NFIB: variants seen among roughly 807,000 people sequenced by gnomAD.
NFIB encodes the protein nuclear factor I B.
A neutral mutation model predicts 61.5 loss-of-function variants in NFIB; 11 were observed. The ratio of observed to expected loss-of-function variants is 0.18; its 90% CI spans 0.11 to 0.30. The LOEUF is 0.30. Ranked by LOEUF, NFIB falls within the 10% of genes least tolerant of loss-of-function variation. The pLI, the probability that NFIB is intolerant of heterozygous loss-of-function variation, is 1.00. For synonymous variants in NFIB, 260 were observed against 216.5 expected, an observed-to-expected ratio of 1.20 and a Z score of -1.76; for missense variants, 471 against 608.9, an observed-to-expected ratio of 0.77 and a Z score of 2.38.
intron 1 of NFIB, among the ~76,000 whole-genome samples, chr9:14,371,736 C>G (rs986217539): frequency 6.6e-6 from 1 of 152,144 alleles, no homozygotes; most frequent in East Asian, 1.9e-4. Flanking sequence ...TAGTAGCTAC[C>G]CCCTTTAACA....
At chr9:14,402,761 G>T (rs960644294), upstream of NFIB, among the ~76,000 whole-genome samples, 6 of 152,096 alleles carry the variant, frequency 3.9e-5, no homozygotes, top group Non-Finnish European at 8.8e-5. Flanking sequence ...ACCTAATAAA[G>T]ACACTGTCAC....
intron 2 of NFIB, among the ~76,000 whole-genome samples, chr9:14,285,079 C>A (rs2058623237): frequency 6.6e-6 from 1 of 152,190 alleles, no homozygotes; most frequent in Admixed American, 6.5e-5. Flanking sequence ...ATTAATAAAA[C>A]TGAAAGCAGT....
the NFIB span, among the ~76,000 whole-genome samples, chr9:14,478,733 A>G: frequency 6.6e-6 from 1 of 152,352 alleles, no homozygotes; most frequent in South Asian, 2.1e-4. Context: ...GTATATATTT[A>G]GCATTTCTCT....
At chr9:14,290,247 T>C (rs541337305) in intron 2 of NFIB, among the ~76,000 whole-genome samples, 3 of 152,114 alleles carry the variant, frequency 2.0e-5, no homozygotes, top group African/African-American at 7.2e-5. Context: ...ACATAGCAAT[T>C]ACAGTATTTA....
chr9:14,441,591 T>C, the NFIB span, among the ~76,000 whole-genome samples: 1 of 105,982 alleles, frequency 9.4e-6, no homozygotes, highest in African/African-American at 3.5e-5. Context: ...CTTTTTCTTC[T>C]TCCTCTTTTT....
At chr9:14,517,534 CTA>C in the NFIB span, among the ~76,000 whole-genome samples, 1 of 152,150 alleles carries the variant, frequency 6.6e-6, no homozygotes, top group East Asian at 1.9e-4. Context: ...GACCCTTGTC[CTA>C]TGTTACTTGA....
At chr9:14,379,454 T>C (rs1277257774) in intron 1 of NFIB, among the ~76,000 whole-genome samples, 1 of 152,214 alleles carries the variant, frequency 6.6e-6, no homozygotes, top group Non-Finnish European at 1.5e-5. Context: ...TGTGGTGTGC[T>C]GTAAGATCCG....
the NFIB span, among the ~76,000 whole-genome samples, chr9:14,525,963 G>A: frequency 6.6e-6 from 1 of 152,110 alleles, no homozygotes; most frequent in South Asian, 2.1e-4. Flanking sequence ...TATTTACAAA[G>A]CATTCACCAG....
At chr9:14,268,878 A>G (rs2057405458) in intron 2 of NFIB, among the ~76,000 whole-genome samples, 1 of 152,212 alleles carries the variant, frequency 6.6e-6, no homozygotes, top group African/African-American at 2.4e-5. Flanking sequence ...GAAGTACTAA[A>G]GAGATATTGA....
At chr9:14,414,242 A>T in the NFIB span, among the ~76,000 whole-genome samples, 1 of 151,920 alleles carries the variant, frequency 6.6e-6, no homozygotes, top group East Asian at 1.9e-4. Flanking sequence ...TTGAGACCCC[A>T]TGGCCAATAT....
At chr9:14,189,599 TAA>T (rs34433215) in intron 2 of NFIB, among the ~76,000 whole-genome samples, 149 of 144,270 alleles carry the variant, frequency 1.0e-3, no homozygotes, top group Non-Finnish European at 1.1e-3. Flanking sequence ...CTCCCCCTCC[TAA>T]AAAAAAAAAA....
chr9:14,314,123 G>T lies in NFIB; in HGVS notation c.-612C>A. On this transcript the variant is annotated 5_prime_UTR_variant, in exon 1 of 11. Transcript: ENST00000380953. ...CGAGCCGACCATGTGTGTGCGCGAG[G>T]GGCAGCGTGAGCGAGTGCGCGCGGG... The T allele has an allele frequency of 9.7e-7, 1 of 1,029,548 alleles. No individual in the cohort carries two copies. Among genetic ancestry groups the T allele is most frequent in the Non-Finnish European group, 1.2e-6 (1 of 857,746 alleles). 63.8% of individuals were successfully genotyped at this position (1,029,548 alleles called of 1,614,324 possible).
At chr9:14,140,853 G>C (rs1302468798) in intron 6 of NFIB, among the ~76,000 whole-genome samples, 1 of 152,146 alleles carries the variant, frequency 6.6e-6, no homozygotes, top group Non-Finnish European at 1.5e-5. Flanking sequence ...AGGATCACTT[G>C]AACCTGGGGG....
intron 2 of NFIB, among the ~76,000 whole-genome samples, chr9:14,213,244 A>G (rs2050498264): frequency 6.6e-6 from 1 of 152,208 alleles, no homozygotes; most frequent in Admixed American, 6.5e-5. Flanking sequence ...ATCCACCAGT[A>G]GGTTGATCTT....
At chr9:14,262,417 G>T (rs1304956163) in intron 2 of NFIB, among the ~76,000 whole-genome samples, 1 of 152,146 alleles carries the variant, frequency 6.6e-6, no homozygotes, top group African/African-American at 2.4e-5. Context: ...AAACATTTCA[G>T]ATATGAAATA....
chr9:14,164,377 G>T (rs1017942373), intron 3 of NFIB, among the ~76,000 whole-genome samples: 4 of 151,980 alleles, frequency 2.6e-5, no homozygotes, highest in African/African-American at 9.7e-5. Flanking sequence ...GCATGAAATT[G>T]CATATAGCTC....
At chr9:14,437,176 T>G in the NFIB span, among the ~76,000 whole-genome samples, 1 of 152,214 alleles carries the variant, frequency 6.6e-6, no homozygotes, top group Non-Finnish European at 1.5e-5. Context: ...TCTTTATGCC[T>G]CTGACATGCC....
the NFIB span, among the ~76,000 whole-genome samples, chr9:14,484,217 A>G: frequency 6.6e-6 from 1 of 152,234 alleles, no homozygotes; most frequent in Non-Finnish European, 1.5e-5. Context: ...CTAGACATAG[A>G]ATAGTGAACT....
chr9:14,133,041 A>C (rs755207693), intron 6 of NFIB, among the ~76,000 whole-genome samples: 4 of 152,186 alleles, frequency 2.6e-5, no homozygotes, highest in Non-Finnish European at 4.4e-5. Context: ...ATACATAAGC[A>C]CACTTAGCTT....
Sources: gnomAD v4.1 joint callset for allele counts (sites outside exome capture counted in the v4.1 genomes callset) on GRCh38, gnomAD v4.1.1 for gene constraint, MANE v1.5 for transcripts, NCBI Gene and HGNC (gene_info 2026-07-23, HGNC 2026-07-21) for gene names.